STK26: variants seen among roughly 807,000 people sequenced by gnomAD.
The protein encoded by STK26 is serine/threonine kinase 26, also known as serine/threonine-protein kinase 26.
In STK26, 14 loss-of-function variants were observed where a neutral mutation model predicts 34.7. The observed-to-expected ratio is 0.40, with a 90% CI of 0.27 to 0.63. STK26 has a LOEUF of 0.63. STK26 is among the 30% of genes least tolerant of loss of function. The pLI is 0.38. For missense variants in STK26, 226 were observed against 309.1 expected (o/e 0.73, Z 2.02); for synonymous variants, 100 against 109.8 (o/e 0.91, Z 0.56).
At chrX:132,058,260 G>A (rs1270646389) in intron 3 of STK26, among the ~76,000 whole-genome samples, 3 of 109,664 alleles carry the variant, frequency 2.7e-5, no homozygotes, top group Non-Finnish European at 5.7e-5. Context: ...GTGTATGTGT[G>A]TGTGTGTGTG....
At chrX:132,051,022 G>A (rs1271158416) in intron 2 of STK26, among the ~76,000 whole-genome samples, 1 of 111,693 alleles carries the variant, frequency 9.0e-6, no homozygotes, top group African/African-American at 3.3e-5. Context: ...CATTTTAAAA[G>A]TGATATAGGT....
chrX:132,028,914 G>C (rs1388089981), intron 2 of STK26, among the ~76,000 whole-genome samples: 1 of 112,409 alleles, frequency 8.9e-6, no homozygotes, highest in African/African-American at 3.2e-5. Flanking sequence ...ATTTGAGGTT[G>C]AAAGCATTGC....
intron 2 of STK26, among the ~76,000 whole-genome samples, chrX:132,032,991 T>G (rs759304429): frequency 9.0e-6 from 1 of 111,504 alleles, no homozygotes; most frequent in Non-Finnish European, 1.9e-5. Flanking sequence ...TTTTTAACCC[T>G]TCTTCCCACC....
rs140622040 is a variant in STK26 at position 132,072,432 on chromosome X, T to G, written c.1026+71T>G. ...ACCATGTAGTGAGATGATAATGGCC[T>G]AAAATTGTTAGGATTGAATACCCCT... is the stretch of plus-strand genomic sequence containing the variant. On this transcript the variant is annotated intron_variant, in intron 9 of 11. Transcript: ENST00000394334. 1,209 of 903,890 alleles carry G rather than the reference T, an allele frequency of 1.3e-3. 9 individuals carry two copies. In the African/African-American group the frequency reaches 0.02, roughly 15 times the overall value. The allele number at this position is 903,890 out of a possible 1,213,427, so 74.5% of individuals were successfully genotyped here. A position where few individuals can be genotyped will look rare whatever the true frequency, so the allele number is the denominator to read the frequency against.
chrX:132,073,777 T>A (rs984198336), intron 11 of STK26, among the ~76,000 whole-genome samples: 9 of 111,887 alleles, frequency 8.0e-5, no homozygotes, highest in African/African-American at 2.9e-4. Context: ...TATTTCTTTG[T>A]GTTTGTGATG....
At chrX:132,064,712 T>A (rs1454737212) in intron 4 of STK26, among the ~76,000 whole-genome samples, 2 of 111,384 alleles carry the variant, frequency 1.8e-5, no homozygotes, top group East Asian at 5.6e-4. Flanking sequence ...ATTTCTAAGT[T>A]CCCTTCCATC....
At chrX:132,069,212 C>T (rs765389497) in intron 6 of STK26, among the ~76,000 whole-genome samples, 1 of 107,097 alleles carries the variant, frequency 9.3e-6, no homozygotes, top group South Asian at 4.2e-4. Context: ...TTATACACTA[C>T]TGAAATCCTC....
chrX:132,029,417 T>C (rs1327703825), intron 2 of STK26, among the ~76,000 whole-genome samples: 1 of 111,536 alleles, frequency 9.0e-6, no homozygotes, highest in Non-Finnish European at 1.9e-5. Context: ...AGCTCCTTTG[T>C]AAAAGGTGTT....
Position 132,054,706 on chromosome X carries a change from A to G in STK26, c.118A>G (p.Lys40Glu). 1 of 1,211,716 alleles carries G rather than the reference A, an allele frequency of 8.3e-7. No individual in the cohort carries two copies. The highest frequency in any genetic ancestry group is 1.1e-6 in the Non-Finnish European group (1 of 895,387). Residue 40 changes from lysine (K) to glutamate (E), a missense_variant, in exon 3 of 12, where the codon AAA (lysine) becomes GAA (glutamate). Physicochemically the swap from Lys to Glu is moderately conservative, Grantham distance 56 (BLOSUM62 1). This residue lies in a region of STK26 where 100 missense variants were observed against 176.7 expected (regional missense o/e 0.57). Transcript: ENST00000394334. ...IGKGSFGEVF[K>E]GIDNRTQQVV... The stretch of plus-strand genomic sequence containing the variant: ...GAAAGGCTCATTTGGGGAAGTTTTC[A>G]AAGGAATTGATAACCGTACCCAGCA...
At position 132,031,666 on chromosome X, in the gene STK26, T is replaced by C. The variant is rs1394529136; in HGVS notation, c.42+8007T>C. 2.7e-5 allele frequency among the ~76,000 whole-genome samples: 3 copies of C among 112,434 alleles called. 1 individual carries two copies. Among genetic ancestry groups the C allele is most frequent in the Admixed American group, 1.9e-4 (2 of 10,645 alleles). ...CAGCTGAATAGTACTGTCTTGTGTATACATACCACATTTTCTTTATCCGTT... is the reference window on the plus strand; with the variant it reads ...CAGCTGAATAGTACTGTCTTGTGTACACATACCACATTTTCTTTATCCGTT... On this transcript the variant is annotated intron_variant, in intron 2 of 11. Coordinates refer to ENST00000394334, the MANE Select transcript of STK26 (RefSeq NM_016542.4).
At chrX:132,035,379 C>T (rs1926003734) in intron 2 of STK26, among the ~76,000 whole-genome samples, 1 of 111,038 alleles carries the variant, frequency 9.0e-6, no homozygotes, top group South Asian at 3.8e-4. Flanking sequence ...CCCATGTGTG[C>T]TGTTAAGTAA....
Position 132,074,121 on chromosome X carries a change from T to A in STK26, c.1227-14T>A, listed in dbSNP as rs752672197. On this transcript the variant is annotated splice_polypyrimidine_tract_variant and intron_variant, in intron 11 of 11. Coordinates refer to ENST00000394334, the MANE Select transcript of STK26 (RefSeq NM_016542.4). ...TAGTTGTACATTGGTTTAAATTTTT[T>A]AAAAATTTTATAGGTGTTCAGCAGA... 47 of 1,195,477 alleles carry A rather than the reference T, an allele frequency of 3.9e-5. No homozygotes were observed. The highest frequency in any genetic ancestry group is 1.5e-4 in the East Asian group (5 of 33,537).
rs188693134 is a variant in STK26, at chrX:132,072,118, G to A, written c.933-150G>A. On this transcript the variant is annotated intron_variant, in intron 8 of 11. Transcript: ENST00000394334. ...TACTCTGTAGTAAAATGTAGTATTC[G>A]CCTGAAGCTGAGATCAGATGCTTTT... The A allele has an allele frequency of 1.2e-4, 54 of 462,413 alleles. No homozygotes were observed. The East Asian group carries it at 2.0e-3, about 17-fold the overall frequency. The allele number at this position is 462,413 out of a possible 1,213,427, so 38.1% of individuals were successfully genotyped here. A position where few individuals can be genotyped will look rare whatever the true frequency, so the allele number is the denominator to read the frequency against.
chrX:132,042,972 C>A (rs1926318828), intron 2 of STK26, among the ~76,000 whole-genome samples: 1 of 111,634 alleles, frequency 9.0e-6, no homozygotes, highest in African/African-American at 3.2e-5. Context: ...GGAAATTATT[C>A]TGCAGCCACT....
Position 132,044,627 on chromosome X carries a change from T to TTCTCTC in STK26, c.43-9971_43-9966dup, listed in dbSNP as rs202173059. Among the ~76,000 whole-genome samples the TTCTCTC allele has an allele frequency of 9.7e-4, 42 of 43,100 alleles. 1 individual carries two copies. Among genetic ancestry groups the TTCTCTC allele is most frequent in the East Asian group, 7.8e-3 (12 of 1,532 alleles). The allele number at this position is 43,100 out of a possible 115,157, so 37.4% of individuals were successfully genotyped here. Reference sequence around the variant, plus strand: ...AACTTAGTTTCACTGGATGTTCAAATTCTCTCTCTCTCTCTCTCTCTCTCT... The same window carrying TTCTCTC: ...AACTTAGTTTCACTGGATGTTCAAATTCTCTCTCTCTCTCTCTCTCTCTCTCTCTCT... On this transcript the variant is annotated intron_variant, in intron 2 of 11. Coordinates refer to ENST00000394334, the MANE Select transcript of STK26 (RefSeq NM_016542.4).
chrX:132,054,938 A>G, intron 3 of STK26, 77 bp downstream of exon 3: 2 of 884,504 alleles, frequency 2.3e-6, no homozygotes, highest in Non-Finnish European at 1.6e-6. Context: ...TTTGAAAGGC[A>G]ATGTCTTAAA....
intron 7 of STK26, among the ~76,000 whole-genome samples, chrX:132,070,332 A>G (rs1229073039): frequency 1.8e-5 from 2 of 111,775 alleles, no homozygotes; most frequent in Non-Finnish European, 3.8e-5. Flanking sequence ...GTGCCTGGCC[A>G]GGTTTAACTA....
chrX:132,052,742 A>C (rs944171057), intron 2 of STK26, among the ~76,000 whole-genome samples: 6 of 112,210 alleles, frequency 5.3e-5, no homozygotes, highest in African/African-American at 1.9e-4. Context: ...TCTTGTTATA[A>C]AGTTAATGAA....
In STK26 at chrX:132,063,435, G is replaced by T; in HGVS notation, c.276G>T (p.Gly92=). The stretch of plus-strand genomic sequence containing the variant: ...TAAATTGTTTCATGGCTTTACAGGG[G>T]TCTAAATTATGGATAATAATGGAAT... The part of the protein sequence containing the change: ...VTKYYGSYLK[G]SKLWIIMEYL... Residue 92 remains glycine (G), a splice_region_variant and synonymous_variant, in exon 4 of 12, where the codon GGG becomes GGT. Coordinates refer to ENST00000394334, the MANE Select transcript of STK26 (RefSeq NM_016542.4). 8.3e-7 allele frequency: 1 copy of T among 1,206,048 alleles called. No individual in the cohort carries two copies. The highest frequency in any genetic ancestry group is 1.1e-6 in the Non-Finnish European group (1 of 891,695).
Sources: gnomAD v4.1 joint callset for allele counts (sites outside exome capture counted in the v4.1 genomes callset) on GRCh38, gnomAD v4.1.1 for gene constraint, gnomAD v4.1.1 regional missense constraint, MANE v1.5 for transcripts, NCBI Gene and HGNC (gene_info 2026-07-23, HGNC 2026-07-21) for gene names.